ZDHHC17: variants seen among roughly 807,000 people sequenced by gnomAD.
ZDHHC17 encodes the protein palmitoyltransferase ZDHHC17.
Under a neutral mutation model 90.3 loss-of-function variants are expected in ZDHHC17, and 40 were observed. The observed-to-expected ratio is 0.44, with a 90% CI of 0.34 to 0.58. The LOEUF (loss-of-function observed/expected upper bound fraction) is 0.58. ZDHHC17 is among the 20% of genes least tolerant of loss of function. The pLI is 0.01. For missense variants in ZDHHC17, 614 were observed against 780.8 expected, an observed-to-expected ratio of 0.79 and a Z score of 2.55; for synonymous variants, 235 against 252.4, an observed-to-expected ratio of 0.93 and a Z score of 0.65.
At chr12:76,772,963 TCTC>T (rs1307490102) in intron 1 of ZDHHC17, among the ~76,000 whole-genome samples, 1 of 151,906 alleles carries the variant, frequency 6.6e-6, no homozygotes, top group Non-Finnish European at 1.5e-5. Context: ...TTCAAGCAAT[TCTC>T]CTGCCTCAGC....
intron 10 of ZDHHC17, 46 bp from the exon 11 acceptor site, chr12:76,841,935 AG>A: frequency 7.4e-7 from 1 of 1,357,354 alleles, no homozygotes; most frequent in East Asian, 2.8e-5. Flanking sequence ...TATATATAAT[AG>A]TAATTCATTT....
At chr12:76,815,266 A>C (rs1046062780) in intron 6 of ZDHHC17, 56 bp downstream of exon 6, 2 of 1,234,682 alleles carry the variant, frequency 1.6e-6, no homozygotes, top group Non-Finnish European at 2.3e-6. Flanking sequence ...TACAATATGA[A>C]GTAAGAGAGA....
chr12:76,798,381 G>A (rs1159339731), intron 2 of ZDHHC17, among the ~76,000 whole-genome samples: 2 of 152,072 alleles, frequency 1.3e-5, no homozygotes, highest in Non-Finnish European at 2.9e-5. Context: ...TCTGCAAAGA[G>A]GAGAAACTAG....
intron 10 of ZDHHC17, among the ~76,000 whole-genome samples, chr12:76,837,601 T>C (rs1953383805): frequency 6.6e-6 from 1 of 152,224 alleles, no homozygotes; most frequent in Admixed American, 6.5e-5. Flanking sequence ...TTTCTTAATA[T>C]ACAGTGTGTC....
At chr12:76,848,151 C>T in intron 14 of ZDHHC17, 82 bp from the exon 15 acceptor site, 1 of 1,456,570 alleles carries the variant, frequency 6.9e-7, no homozygotes. Flanking sequence ...ACTATGTTTT[C>T]TAAATGGTGC....
In ZDHHC17 at chr12:76,765,506, C is replaced by T. The variant is rs150353537; in HGVS notation, c.93+1177C>T. 2.0e-5 allele frequency among the ~76,000 whole-genome samples: 3 copies of T among 152,314 alleles called. No individual in the cohort carries two copies. In the East Asian group the frequency reaches 5.8e-4, roughly 29 times the overall value. On this transcript the variant is annotated intron_variant, in intron 1 of 16. Coordinates refer to ENST00000426126, the MANE Select transcript of ZDHHC17 (RefSeq NM_015336.4). ...AACAGAACTATACAGTAAGACTAAA[C>T]ACTTGTCTGACCAAAGTGGTAACAT... is the stretch of plus-strand genomic sequence containing the variant.
At position 76,848,396 on chromosome 12, in the gene ZDHHC17, T is replaced by C; in HGVS notation, c.1665+6T>C. On this transcript the variant is annotated splice_donor_region_variant and intron_variant, in intron 15 of 16. Coordinates refer to ENST00000426126, the MANE Select transcript of ZDHHC17 (RefSeq NM_015336.4). ...TCATGTGTCAGATGTACCAGGTATG[T>C]GCAAAGGCATTCTTTTTAGTGCACT... 1 of 1,612,688 alleles carries C rather than the reference T, an allele frequency of 6.2e-7. No homozygotes were observed. The highest frequency in any genetic ancestry group is 8.5e-7 in the Non-Finnish European group (1 of 1,178,990).
intron 2 of ZDHHC17, among the ~76,000 whole-genome samples, chr12:76,797,749 C>A (rs1358017232): frequency 2.6e-5 from 4 of 152,182 alleles, no homozygotes; most frequent in African/African-American, 9.6e-5. Flanking sequence ...TTGAGACCAG[C>A]CTGGCCGACA....
At chr12:76,826,881 C>T (rs1953236620) in intron 8 of ZDHHC17, 27 bp from the exon 9 acceptor site, 2 of 1,496,892 alleles carry the variant, frequency 1.3e-6, no homozygotes, top group Non-Finnish European at 1.8e-6. Flanking sequence ...CATGCAAAAA[C>T]TTTTCTAATT....
At chr12:76,836,471 T>C (rs947998329) in intron 10 of ZDHHC17, among the ~76,000 whole-genome samples, 10 of 152,068 alleles carry the variant, frequency 6.6e-5, no homozygotes, top group African/African-American at 2.4e-4. Context: ...TATTTTCTAA[T>C]CTATTTTATT....
At chr12:76,803,032 G>A (rs111869732) in intron 2 of ZDHHC17, among the ~76,000 whole-genome samples, 18 of 152,114 alleles carry the variant, frequency 1.2e-4, no homozygotes, top group African/African-American at 1.9e-4. Flanking sequence ...TGGGCAGATC[G>A]CTTGAGCCCA....
At chr12:76,850,388 C>T (rs1308030745) in intron 16 of ZDHHC17, among the ~76,000 whole-genome samples, 2 of 151,878 alleles carry the variant, frequency 1.3e-5, no homozygotes, top group Non-Finnish European at 2.9e-5. Flanking sequence ...TAGTTTGTCT[C>T]CTGCCAAAGA....
At chr12:76,818,389 T>C (rs763790247) in intron 7 of ZDHHC17, among the ~76,000 whole-genome samples, 1 of 152,150 alleles carries the variant, frequency 6.6e-6, no homozygotes, top group African/African-American at 2.4e-5. Flanking sequence ...TCTTATTCAA[T>C]GGTGGGTGGT....
chr12:76,809,169 A>C, intron 4 of ZDHHC17, 49 bp downstream of exon 4: 1 of 1,318,236 alleles, frequency 7.6e-7, no homozygotes, highest in Admixed American at 2.7e-5. Flanking sequence ...TTATTAGTAT[A>C]TAAATAAACA....
At chr12:76,803,151 G>A (rs2137753736) in intron 2 of ZDHHC17, among the ~76,000 whole-genome samples, 1 of 152,260 alleles carries the variant, frequency 6.6e-6, no homozygotes, top group Admixed American at 6.5e-5. Context: ...TACTAGGGAG[G>A]CTGAGGTGGG....
chr12:76,850,966 C>T lies in ZDHHC17; in HGVS notation c.1880C>T (p.Ser627Phe). 3.1e-6 allele frequency: 5 copies of T among 1,613,904 alleles called. No individual in the cohort carries two copies. The highest frequency in any genetic ancestry group is 4.2e-6 in the Non-Finnish European group (5 of 1,179,864). Residue 627 changes from serine to phenylalanine, a missense_variant, in exon 17 of 17, where the codon TCT becomes TTT. Ser to Phe is a radical substitution (Grantham distance 155). Around this residue, in one of 5 missense-constraint regions of ZDHHC17, gnomAD observed 28 missense variants for 20.0 expected, o/e 1.40. Coordinates refer to ENST00000426126, the MANE Select transcript of ZDHHC17 (RefSeq NM_015336.4). ...ATAGAATATGACCAAATATCAGGAT[C>T]TGGGTACCAGCTGGTGTAGCGACAT... ...YTIEYDQISG[S>F]GYQLV
chr12:76,840,081 G>A (rs1369870533), intron 10 of ZDHHC17: 1 of 151,994 alleles, frequency 6.6e-6, no homozygotes, highest in African/African-American at 2.4e-5. Flanking sequence ...GATAATAGCA[G>A]GATTTATCAT....
intron 1 of ZDHHC17, among the ~76,000 whole-genome samples, chr12:76,796,889 A>G (rs938071581): frequency 3.9e-5 from 6 of 152,156 alleles, no homozygotes; most frequent in Admixed American, 2.0e-4. Flanking sequence ...CTAAGTTGTT[A>G]CTTGTTTCTA....
intron 5 of ZDHHC17, among the ~76,000 whole-genome samples, chr12:76,813,697 G>A (rs1194837450): frequency 2.6e-5 from 4 of 152,156 alleles, no homozygotes; most frequent in African/African-American, 9.6e-5. Flanking sequence ...CTTGCTTAAT[G>A]TAATTCAGGA....
Sources: gnomAD v4.1 joint callset for allele counts (sites outside exome capture counted in the v4.1 genomes callset) on GRCh38, gnomAD v4.1.1 for gene constraint, gnomAD v4.1.1 regional missense constraint, MANE v1.5 for transcripts, NCBI Gene and HGNC (gene_info 2026-07-23, HGNC 2026-07-21) for gene names.